Variants in KATNAL2 observed in about 807,000 individuals in gnomAD.
The protein encoded by KATNAL2 is katanin catalytic subunit A1 like 2, also known as katanin p60 ATPase-containing subunit A-like 2.
KATNAL2 carries 52 observed loss-of-function variants against 76.3 expected under a neutral mutation model. That is an observed-to-expected ratio of 0.68 (90% confidence interval 0.55 to 0.86). KATNAL2 has a LOEUF of 0.86. Ranked by LOEUF, KATNAL2 falls within the 40% of genes least tolerant of loss-of-function variation. The pLI is 0.00. For missense variants in KATNAL2, 660 were observed against 668.9 expected, an observed-to-expected ratio of 0.99 and a Z score of 0.15; for synonymous variants, 243 against 244.2, an observed-to-expected ratio of 1.00 and a Z score of 0.05.
Position 47,077,441 on chromosome 18 carries a change from A to G in KATNAL2, c.1191A>G (p.Leu397=). The change falls in exon 15 of 18, where the codon TTA becomes TTG. Residue 397 remains leucine, a synonymous_variant. Transcript: ENST00000683218. ...LARSEDLVFV[L]AASNLPWELD... The stretch of plus-strand genomic sequence containing the variant: ...GCTCAGAAGATCTCGTATTTGTCTT[A>G]GCAGCTTCTAACCTGCCGTGGTAAG... 2.5e-6 allele frequency: 4 copies of G among 1,613,584 alleles called. No individual in the cohort carries two copies. The highest frequency in any genetic ancestry group is 3.4e-6 in the Non-Finnish European group (4 of 1,179,442).
chr18:47,071,953 C>CATTT (rs2062020246), intron 13 of KATNAL2, among the ~76,000 whole-genome samples: 8 of 43,950 alleles, frequency 1.8e-4, no homozygotes, highest in Non-Finnish European at 2.9e-4. Flanking sequence ...CCAATTTCTT[C>CATTT]TTTTTTTTTT....
At chr18:47,059,192 A>T (rs1028431014) in intron 7 of KATNAL2, among the ~76,000 whole-genome samples, 2 of 151,924 alleles carry the variant, frequency 1.3e-5, no homozygotes, top group Admixed American at 6.6e-5. Context: ...AGGCTAGTTG[A>T]CTCTGCCATA....
chr18:47,069,148 G>C, intron 11 of KATNAL2, 72 bp from the exon 12 acceptor site: 1 of 1,085,678 alleles, frequency 9.2e-7, no homozygotes, highest in Non-Finnish European at 1.4e-6. Context: ...AGCTTTCCCA[G>C]CTTGTCTGTG....
intron 3 of KATNAL2, among the ~76,000 whole-genome samples, chr18:47,044,922 A>C (rs545855824): frequency 1.3e-5 from 2 of 152,232 alleles, no homozygotes; most frequent in Non-Finnish European, 2.9e-5. Context: ...TCATCTCTAC[A>C]AAAAATATAG....
intron 3 of KATNAL2, among the ~76,000 whole-genome samples, chr18:46,960,363 G>A (rs948379815): frequency 1.3e-5 from 2 of 151,548 alleles, no homozygotes; most frequent in African/African-American, 4.9e-5. Context: ...GGGGTGGGTG[G>A]AGGTTATAGT....
intron 3 of KATNAL2, among the ~76,000 whole-genome samples, chr18:47,044,571 G>A (rs2061086530): frequency 6.7e-6 from 1 of 150,058 alleles, no homozygotes; most frequent in Admixed American, 6.6e-5. Context: ...CCAGCCTGGC[G>A]AACATGGCAA....
intron 1 of KATNAL2, among the ~76,000 whole-genome samples, chr18:46,923,079 T>A (rs2058620272): frequency 6.6e-6 from 1 of 150,854 alleles, no homozygotes; most frequent in African/African-American, 2.4e-5. Flanking sequence ...TTATTATTAT[T>A]ATACTTTAAG....
intron 3 of KATNAL2, chr18:47,034,352 G>T: frequency 1.2e-6 from 2 of 1,613,780 alleles, no homozygotes; most frequent in Non-Finnish European, 1.7e-6. Context: ...GGCCTCTTCT[G>T]GTGACTGTCT....
At chr18:46,924,268 G>A (rs2058662904) in intron 1 of KATNAL2, among the ~76,000 whole-genome samples, 1 of 152,130 alleles carries the variant, frequency 6.6e-6, no homozygotes, top group African/African-American at 2.4e-5. Flanking sequence ...TGTAAGGGAG[G>A]GATCCAGTTT....
chr18:47,090,997 C>T (rs1183047618), intron 15 of KATNAL2, among the ~76,000 whole-genome samples: 4 of 152,218 alleles, frequency 2.6e-5, no homozygotes, highest in Non-Finnish European at 4.4e-5. Flanking sequence ...AAAGACTTCA[C>T]TTTTAAAACT....
chr18:47,052,773 A>T, intron 4 of KATNAL2, 107 bp from the exon 5 acceptor site: 1 of 827,934 alleles, frequency 1.2e-6, no homozygotes, highest in Non-Finnish European at 1.8e-6. Flanking sequence ...AATGTGCTAT[A>T]TATAGGCTTA....
At chr18:46,955,567 G>C (rs1180949797) in intron 3 of KATNAL2, among the ~76,000 whole-genome samples, 2 of 150,112 alleles carry the variant, frequency 1.3e-5, no homozygotes, top group East Asian at 4.0e-4. Flanking sequence ...CTTTCTTTCT[G>C]TGTTTGTTTG....
chr18:46,942,827 A>AT (rs57765600), intron 1 of KATNAL2, among the ~76,000 whole-genome samples: 9,229 of 145,658 alleles, frequency 0.063, 321 homozygotes, highest in Non-Finnish European at 0.088. Flanking sequence ...TGCTTTTGTA[A>AT]TTTTTTTTTT....
chr18:46,924,792 C>T (rs2058677984), intron 1 of KATNAL2, among the ~76,000 whole-genome samples: 2 of 152,178 alleles, frequency 1.3e-5, no homozygotes, highest in African/African-American at 4.8e-5. Context: ...AGGTGCTTCA[C>T]ATCCCTTGTA....
intron 1 of KATNAL2, among the ~76,000 whole-genome samples, chr18:46,933,329 C>T (rs1263980738): frequency 6.6e-6 from 1 of 152,132 alleles, no homozygotes; most frequent in Admixed American, 6.5e-5. Context: ...AATTGACAAA[C>T]TGAGTTGTGA....
intron 3 of KATNAL2, chr18:47,034,227 A>G: frequency 6.2e-7 from 1 of 1,613,826 alleles, no homozygotes; most frequent in Non-Finnish European, 8.5e-7. Context: ...TCCCCTCTTG[A>G]GTCTCTCGGT....
intron 1 of KATNAL2, among the ~76,000 whole-genome samples, chr18:46,945,069 C>G (rs1454482385): frequency 1.3e-5 from 2 of 152,194 alleles, no homozygotes; most frequent in Admixed American, 6.5e-5. Context: ...CTAAGGGACA[C>G]TATACTAACA....
chr18:47,033,945 CCT>C, intron 3 of KATNAL2: 1 of 1,613,078 alleles, frequency 6.2e-7, no homozygotes, highest in Non-Finnish European at 8.5e-7. Context: ...CCGCCTGCAG[CCT>C]CTCTGACTGG....
chr18:47,033,486 G>T (rs1476405219), intron 3 of KATNAL2: 3 of 1,614,142 alleles, frequency 1.9e-6, no homozygotes, highest in Non-Finnish European at 1.7e-6. Flanking sequence ...TTTCTTCCTT[G>T]AAGTCCTGGA....
Sources: gnomAD v4.1 joint callset for allele counts (sites outside exome capture counted in the v4.1 genomes callset) on GRCh38, gnomAD v4.1.1 for gene constraint, MANE v1.5 for transcripts, NCBI Gene and HGNC (gene_info 2026-07-23, HGNC 2026-07-21) for gene names.